WBP2NL: variants seen among roughly 807,000 people sequenced by gnomAD.
WBP2NL encodes the protein WBP2 N-terminal like, also known as postacrosomal sheath WW domain-binding protein.
A neutral mutation model predicts 23.3 loss-of-function variants in WBP2NL; 27 were observed. That is an observed-to-expected ratio of 1.16 (90% confidence interval 0.85 to 1.60). WBP2NL has a LOEUF of 1.60. WBP2NL is among the 40% of genes most tolerant of loss of function. The probability of loss-of-function intolerance (pLI) is 0.00; values close to 1 mark genes in which losing one functional copy is unlikely to be tolerated. For missense variants in WBP2NL, 370 were observed against 389.5 expected (o/e 0.95, Z 0.42); for synonymous variants, 151 against 145.9 (o/e 1.03, Z -0.25).
intron 8 of WBP2NL, among the ~76,000 whole-genome samples, chr22:42,042,830 G>T (rs1320756268): frequency 6.6e-6 from 1 of 152,042 alleles, no homozygotes; most frequent in African/African-American, 2.4e-5. Context: ...AGGCCAAGGT[G>T]GGCAGATCAC....
At chr22:42,044,759 C>G (rs1046075974) in intron 8 of WBP2NL, among the ~76,000 whole-genome samples, 1 of 152,162 alleles carries the variant, frequency 6.6e-6, no homozygotes, top group African/African-American at 2.4e-5. Context: ...GGGCCATGTT[C>G]ATGCCACTGC....
At chr22:42,047,268 T>TA (rs1569454673) in intron 8 of WBP2NL, among the ~76,000 whole-genome samples, 11 of 36,238 alleles carry the variant, frequency 3.0e-4, no homozygotes, top group African/African-American at 6.5e-4. Flanking sequence ...ATTTTCAAGC[T>TA]CAAAAAAAAA....
At chr22:42,047,790 T>C (rs1925656845) in intron 8 of WBP2NL, among the ~76,000 whole-genome samples, 1 of 146,768 alleles carries the variant, frequency 6.8e-6, no homozygotes, top group Non-Finnish European at 1.5e-5. Flanking sequence ...CCTGGCTAAC[T>C]TTTTATATTT....
intron 1 of WBP2NL, chr22:42,002,026 CGG>C: frequency 1.7e-6 from 1 of 589,222 alleles, no homozygotes; most frequent in Non-Finnish European, 2.7e-6. Flanking sequence ...GCTTTGACTC[CGG>C]GGCTGATTGT....
intron 5 of WBP2NL, among the ~76,000 whole-genome samples, chr22:42,024,130 G>A (rs1000592105): frequency 6.6e-6 from 1 of 152,082 alleles, no homozygotes; most frequent in Non-Finnish European, 1.5e-5. Context: ...TCAAGATAAC[G>A]TTTTTGAGGT....
At chr22:42,037,850 AGT>A (rs145563548), downstream of WBP2NL, among the ~76,000 whole-genome samples, 55,833 of 143,446 alleles carry the variant, frequency 0.39, 11,777 homozygotes, top group East Asian at 0.81. Flanking sequence ...AGAGAGTGAG[AGT>A]GTGTGTGTGT....
At chr22:42,022,026 C>T (rs144059886) in intron 4 of WBP2NL, among the ~76,000 whole-genome samples, 179 of 152,140 alleles carry the variant, frequency 1.2e-3, no homozygotes, top group African/African-American at 4.2e-3. Context: ...TCTTGAACTC[C>T]TGGGGTCAAG....
intron 1 of WBP2NL, among the ~76,000 whole-genome samples, chr22:42,014,998 T>C (rs1390320865): frequency 1.3e-5 from 2 of 152,236 alleles, no homozygotes; most frequent in Non-Finnish European, 2.9e-5. Context: ...ATTTATTTTG[T>C]TCCTGTGTAT....
At chr22:42,046,746 G>T (rs1233970311) in intron 8 of WBP2NL, among the ~76,000 whole-genome samples, 2 of 152,128 alleles carry the variant, frequency 1.3e-5, no homozygotes, top group South Asian at 4.1e-4. Flanking sequence ...TTTTAGGAAG[G>T]AGGTAATTGT....
intron 5 of WBP2NL, among the ~76,000 whole-genome samples, chr22:42,025,052 C>G (rs1274317219): frequency 6.6e-6 from 1 of 152,200 alleles, no homozygotes; most frequent in Non-Finnish European, 1.5e-5. Context: ...ATCTGCCTGC[C>G]TCGGCCAGTG....
downstream of WBP2NL, among the ~76,000 whole-genome samples, chr22:42,034,246 A>G (rs1184344782): frequency 6.6e-6 from 1 of 152,234 alleles, no homozygotes; most frequent in Non-Finnish European, 1.5e-5. Flanking sequence ...GACCTGCCCC[A>G]ATAATCACGT....
chr22:42,003,765 A>G (rs532470431), intron 1 of WBP2NL, among the ~76,000 whole-genome samples: 1 of 152,360 alleles, frequency 6.6e-6, no homozygotes, highest in South Asian at 2.1e-4. Flanking sequence ...ACATGACTGA[A>G]CAGGATTTAG....
At chr22:42,022,411 C>T in intron 5 of WBP2NL, 55 bp downstream of exon 5, 1 of 1,473,340 alleles carries the variant, frequency 6.8e-7, no homozygotes, top group Non-Finnish European at 9.3e-7. Flanking sequence ...GCCAGAGGCT[C>T]AAAGATCTAT....
intron 8 of WBP2NL, among the ~76,000 whole-genome samples, chr22:42,046,506 A>C (rs1925592173): frequency 6.6e-6 from 1 of 152,230 alleles, no homozygotes; most frequent in South Asian, 2.1e-4. Flanking sequence ...ATTGATAAAC[A>C]GTGAAGAAAT....
chr22:42,020,231 G>A, intron 4 of WBP2NL, 135 bp downstream of exon 4: 1 of 855,946 alleles, frequency 1.2e-6, no homozygotes. Flanking sequence ...TGTAAGTCGG[G>A]GTTTCACCAT....
chr22:42,048,920 A>G (rs984799574), intron 8 of WBP2NL, among the ~76,000 whole-genome samples: 1 of 152,180 alleles, frequency 6.6e-6, no homozygotes, highest in African/African-American at 2.4e-5. Context: ...GATCAGGAAT[A>G]AGGCAGTGTC....
intron 1 of WBP2NL, among the ~76,000 whole-genome samples, chr22:42,003,970 GATA>G (rs763135216): frequency 6.6e-5 from 10 of 152,194 alleles, no homozygotes; most frequent in Admixed American, 3.3e-4. Context: ...TTTACAAATG[GATA>G]ATAAGAAGGG....
At position 42,026,910 on chromosome 22, in the gene WBP2NL, C is replaced by T. The variant is rs747219839; in HGVS notation, c.659C>T (p.Pro220Leu). The T allele has an allele frequency of 1.4e-5, 23 of 1,612,654 alleles. No individual in the cohort carries two copies. The highest frequency in any genetic ancestry group is 1.9e-5 in the Non-Finnish European group (23 of 1,179,602). The stretch of plus-strand genomic sequence containing the variant: ...GCCTCACCTGTGCGATATGGAGCCC[C>T]ACCTCTTGGATACGGAGCCCCACCT... ...YRASPVRYGA[P>L]PLGYGAPPAG... The change falls in exon 6 of 6, where the codon CCA becomes CTA. Residue 220 changes from proline to leucine, a missense_variant. Physicochemically the swap from Pro to Leu is moderately conservative, Grantham distance 98 (BLOSUM62 -3). Transcript: ENST00000328823.
At chr22:42,050,264 G>C (rs991850454) in intron 8 of WBP2NL, among the ~76,000 whole-genome samples, 4 of 152,074 alleles carry the variant, frequency 2.6e-5, no homozygotes, top group Non-Finnish European at 4.4e-5. Flanking sequence ...GTGTCTTCTA[G>C]CCTGGGTGAC....
Sources: allele counts gnomAD v4.1 joint callset (sites outside exome capture counted in the v4.1 genomes callset), GRCh38; gene constraint gnomAD v4.1.1; transcripts MANE v1.5; gene names NCBI Gene and HGNC (gene_info 2026-07-23, HGNC 2026-07-21).